The following DENND1B variants were observed in gnomAD, a reference collection of about 807,000 sequenced individuals.
DENND1B encodes the protein DENN domain-containing protein 1B.
Under a neutral mutation model 90.1 loss-of-function variants are expected in DENND1B, and 59 were observed. The ratio of observed to expected loss-of-function variants is 0.65; its 90% CI spans 0.53 to 0.81. The LOEUF (loss-of-function observed/expected upper bound fraction) is 0.81, where lower values mean the gene tolerates loss of function less well. Among genes scored for constraint, DENND1B ranks in the 40% least tolerant of loss-of-function variants. The pLI, the probability that DENND1B is intolerant of heterozygous loss-of-function variation, is 0.00. For synonymous variants in DENND1B, 337 were observed against 324.6 expected, an observed-to-expected ratio of 1.04 and a Z score of -0.41; for missense variants, 862 against 912.6, an observed-to-expected ratio of 0.94 and a Z score of 0.71.
intron 3 of DENND1B, among the ~76,000 whole-genome samples, chr1:197,685,105 G>A (rs1046377320): frequency 6.6e-6 from 1 of 152,114 alleles, no homozygotes; most frequent in Non-Finnish European, 1.5e-5. Flanking sequence ...GTGACAGTGT[G>A]AGACTCCATC....
chr1:197,766,450 G>T (rs529033823), intron 2 of DENND1B, among the ~76,000 whole-genome samples: 17 of 152,098 alleles, frequency 1.1e-4, no homozygotes, highest in Non-Finnish European at 2.5e-4. Context: ...ATTCCTCAAG[G>T]TTCTATTTTC....
chr1:197,518,487 T>C (rs924360822), intron 20 of DENND1B, among the ~76,000 whole-genome samples: 1 of 151,876 alleles, frequency 6.6e-6, no homozygotes, highest in Non-Finnish European at 1.5e-5. Flanking sequence ...ACCAGGAACC[T>C]TAGCAAATTT....
rs1175562339 is a variant in DENND1B, at chr1:197,509,212, C to T, written c.*1248G>A. The T allele has an allele frequency of 6.6e-6, 1 of 151,712 alleles. No homozygotes were observed. Among genetic ancestry groups the T allele is most frequent in the Admixed American group, 6.6e-5 (1 of 15,178 alleles). The allele number at this position is 151,712 out of a possible 1,614,324, so 9.4% of individuals were successfully genotyped here. A position where few individuals can be genotyped will look rare whatever the true frequency, so the allele number is the denominator to read the frequency against. ...AATCATGAAAAAAATACCCAACAAA[C>T]TCCAAGAGAGGAGCATGCTACAATT... On this transcript the variant is annotated 3_prime_UTR_variant, in exon 23 of 23. Coordinates refer to ENST00000620048, the MANE Select transcript of DENND1B (RefSeq NM_001195215.2).
intron 2 of DENND1B, among the ~76,000 whole-genome samples, chr1:197,756,562 C>A: frequency 9.6e-6 from 1 of 104,168 alleles, no homozygotes; most frequent in Admixed American, 1.6e-4. Flanking sequence ...GGCAACAGAG[C>A]AAGTCTCCAT....
chr1:197,570,210 T>C (rs979715399), intron 15 of DENND1B, among the ~76,000 whole-genome samples: 7 of 146,316 alleles, frequency 4.8e-5, no homozygotes, highest in Non-Finnish European at 9.0e-5. Context: ...CTAGGCAACA[T>C]AGCAAGATCC....
chr1:197,539,869 T>TA, intron 20 of DENND1B, 95 bp downstream of exon 20: 8 of 1,054,750 alleles, frequency 7.6e-6, no homozygotes, highest in Non-Finnish European at 1.1e-5. Flanking sequence ...TCATATAAGA[T>TA]AAAAAATTAG....
At chr1:197,607,678 G>A (rs886404335) in intron 12 of DENND1B, among the ~76,000 whole-genome samples, 43 of 150,632 alleles carry the variant, frequency 2.9e-4, no homozygotes, top group Admixed American at 1.1e-3. Flanking sequence ...AGCTGAATAA[G>A]AGAGAATAAA....
chr1:197,749,414 A>C (rs1230759070), intron 2 of DENND1B, among the ~76,000 whole-genome samples: 5 of 152,118 alleles, frequency 3.3e-5, no homozygotes, highest in Non-Finnish European at 7.4e-5. Context: ...AAGGAAAAAA[A>C]AAGATATCAC....
At chr1:197,621,406 A>C (rs1403062622) in intron 10 of DENND1B, among the ~76,000 whole-genome samples, 1 of 151,376 alleles carries the variant, frequency 6.6e-6, no homozygotes, top group East Asian at 1.9e-4. Context: ...ATAATAAACT[A>C]TTTACCTGGA....
chr1:197,674,453 A>G (rs1655851593), intron 3 of DENND1B, among the ~76,000 whole-genome samples: 1 of 152,192 alleles, frequency 6.6e-6, no homozygotes, highest in Non-Finnish European at 1.5e-5. Context: ...CAACAAGGCC[A>G]TATGGATTTT....
At chr1:197,560,073 A>G (rs1263376610) in intron 15 of DENND1B, among the ~76,000 whole-genome samples, 1 of 151,966 alleles carries the variant, frequency 6.6e-6, no homozygotes, top group South Asian at 2.1e-4. Flanking sequence ...TTAAGAGCCC[A>G]CTCAGTGCAA....
At chr1:197,765,744 T>G (rs1655621641) in intron 2 of DENND1B, among the ~76,000 whole-genome samples, 1 of 152,122 alleles carries the variant, frequency 6.6e-6, no homozygotes, top group African/African-American at 2.4e-5. Context: ...GTGGAAATCA[T>G]GAACATCAAA....
At chr1:197,672,810 C>G (rs373958277) in intron 4 of DENND1B, among the ~76,000 whole-genome samples, 1 of 151,980 alleles carries the variant, frequency 6.6e-6, no homozygotes, top group African/African-American at 2.4e-5. Context: ...TTTGAAGTAT[C>G]ATACTACCAT....
Position 197,757,160 on chromosome 1 carries a change from A to C in DENND1B, c.82+15708T>G, listed in dbSNP as rs151040254. ...TTCATATAATTTATTATCTCTATTG[A>C]TCATCATAGGTTTACAGAAGAAAGA... is the stretch of plus-strand genomic sequence containing the variant. On this transcript the variant is annotated intron_variant, in intron 2 of 22. Coordinates refer to ENST00000620048, the MANE Select transcript of DENND1B (RefSeq NM_001195215.2). Among the ~76,000 whole-genome samples, 5 of 152,224 alleles carry C rather than the reference A, an allele frequency of 3.3e-5. No homozygotes were observed. In the East Asian group the frequency reaches 7.7e-4, roughly 23 times the overall value.
intron 10 of DENND1B, among the ~76,000 whole-genome samples, chr1:197,620,860 G>C (rs1678094613): frequency 6.6e-6 from 1 of 151,296 alleles, no homozygotes; most frequent in African/African-American, 2.4e-5. Flanking sequence ...AATATTGTCA[G>C]AGATTAGATC....
At chr1:197,553,295 A>G (rs1671411771) in intron 15 of DENND1B, among the ~76,000 whole-genome samples, 183 bp from the exon 16 acceptor site, 1 of 152,168 alleles carries the variant, frequency 6.6e-6, no homozygotes, top group African/African-American at 2.4e-5. Flanking sequence ...AAACAATGGA[A>G]AGAACAGGTG....
intron 10 of DENND1B, among the ~76,000 whole-genome samples, chr1:197,631,521 G>A (rs1420083563): frequency 6.6e-6 from 1 of 151,842 alleles, no homozygotes; most frequent in East Asian, 1.9e-4. Context: ...AATAAAAACT[G>A]ATTGAAGCTA....
chr1:197,645,593 T>C (rs1338758578), intron 9 of DENND1B, 97 bp downstream of exon 9: 2 of 556,700 alleles, frequency 3.6e-6, no homozygotes, highest in Non-Finnish European at 5.9e-6. Flanking sequence ...AATTACAATG[T>C]ATCCTATTTC....
At chr1:197,720,650 C>T (rs1007178489) in intron 2 of DENND1B, among the ~76,000 whole-genome samples, 4 of 152,024 alleles carry the variant, frequency 2.6e-5, no homozygotes, top group African/African-American at 4.8e-5. Context: ...TTCAGAAGAT[C>T]GACACTTTTG....
Sources: allele counts gnomAD v4.1 joint callset (sites outside exome capture counted in the v4.1 genomes callset), GRCh38; gene constraint gnomAD v4.1.1; transcripts MANE v1.5; gene names NCBI Gene and HGNC (gene_info 2026-07-23, HGNC 2026-07-21).